FRY: variants seen among roughly 807,000 people sequenced by gnomAD.
The protein encoded by FRY is protein furry homolog.
FRY carries 128 observed loss-of-function variants against 348.4 expected under a neutral mutation model. That is an observed-to-expected ratio of 0.37 (90% CI 0.32 to 0.43). FRY has a LOEUF of 0.43. FRY is among the 20% of genes least tolerant of loss of function. The probability of loss-of-function intolerance (pLI) is 1.00; values close to 1 mark genes in which losing one functional copy is unlikely to be tolerated. For missense variants in FRY, 2,736 were observed against 3,695.2 expected (o/e 0.74, Z 6.73); for synonymous variants, 1,370 against 1,374.7 (o/e 1.00, Z 0.08).
chr13:32,124,489 T>A, intron 5 of FRY, 113 bp downstream of exon 5: 1 of 863,294 alleles, frequency 1.2e-6, no homozygotes, highest in Non-Finnish European at 1.9e-6. Flanking sequence ...TACTGGGTTA[T>A]ATGACTTATG....
At chr13:32,250,192 CTG>C (rs1566168507) in intron 49 of FRY, among the ~76,000 whole-genome samples, 1 of 152,244 alleles carries the variant, frequency 6.6e-6, no homozygotes, top group Non-Finnish European at 1.5e-5. Flanking sequence ...GCCAGATTCT[CTG>C]TAGTTCTGTC....
chr13:32,289,810 C>G (rs1169519740), intron 59 of FRY, 67 bp downstream of exon 59: 2 of 842,558 alleles, frequency 2.4e-6, no homozygotes, highest in Admixed American at 1.8e-5. Context: ...CTTCCTCACT[C>G]CACCCCTTTT....
rs939272579 is a variant in FRY, at chr13:32,149,901, G to T, written c.1479+67G>T. On this transcript the variant is annotated intron_variant, in intron 14 of 60. Coordinates refer to ENST00000542859, the MANE Select transcript of FRY (RefSeq NM_023037.3). ...TCCGGAGCCATACCTTTGCTTTGCGGCTTTGGAGAATGGGATGAGGGATGT... is the reference window on the plus strand; with the variant it reads ...TCCGGAGCCATACCTTTGCTTTGCGTCTTTGGAGAATGGGATGAGGGATGT... 2.2e-5 allele frequency: 21 copies of T among 976,586 alleles called. No homozygotes were observed. The Admixed American group carries it at 2.9e-4, about 14-fold the overall frequency. The allele number at this position is 976,586 out of a possible 1,614,324, so 60.5% of individuals were successfully genotyped here.
At chr13:32,286,475 C>T (rs12560809) in intron 58 of FRY, among the ~76,000 whole-genome samples, 22 of 151,948 alleles carry the variant, frequency 1.4e-4, no homozygotes, top group South Asian at 1.0e-3. Flanking sequence ...TGGCTGGGCG[C>T]GGTGGCTCAG....
chr13:32,267,448 T>C (rs1439724608), intron 55 of FRY, 89 bp downstream of exon 55: 1 of 1,148,074 alleles, frequency 8.7e-7, no homozygotes. Flanking sequence ...TCTTCTGTTC[T>C]GGGGTTATAC....
chr13:32,087,109 C>T (rs550659157), intron 2 of FRY, among the ~76,000 whole-genome samples: 1 of 152,190 alleles, frequency 6.6e-6, no homozygotes. Flanking sequence ...CTCAAAGTAA[C>T]ACAAACTATT....
intron 15 of FRY, 43 bp from the exon 16 acceptor site, chr13:32,157,230 G>T: frequency 6.4e-7 from 1 of 1,568,734 alleles, no homozygotes; most frequent in South Asian, 1.1e-5. Flanking sequence ...GATATCCTTT[G>T]ATAGATTCAG....
chr13:32,134,093 A>T (rs1359691855), intron 8 of FRY, among the ~76,000 whole-genome samples: 2 of 152,126 alleles, frequency 1.3e-5, no homozygotes, highest in East Asian at 3.9e-4. Context: ...TGGACTCTTG[A>T]ATGAAAACAA....
chr13:32,265,628 C>T lies in FRY; in HGVS notation c.7946+12C>T. The T allele has an allele frequency of 1.2e-6, 2 of 1,612,712 alleles. No homozygotes were observed. Among genetic ancestry groups the T allele is most frequent in the Non-Finnish European group, 1.7e-6 (2 of 1,179,196 alleles). On this transcript the variant is annotated intron_variant, in intron 54 of 60. Transcript: ENST00000542859. The stretch of plus-strand genomic sequence containing the variant: ...TTTACCCTGGCGAGGTAATGGAGCC[C>T]TTGGCTGATGTGAGTGGTGTGAATG...
chr13:32,207,267 G>T (rs1884409329), intron 31 of FRY, among the ~76,000 whole-genome samples: 1 of 152,010 alleles, frequency 6.6e-6, no homozygotes, highest in African/African-American at 2.4e-5. Context: ...CCATCTTAAA[G>T]TCCAGATCCT....
chr13:32,136,154 C>T (rs1023024614), intron 10 of FRY, among the ~76,000 whole-genome samples: 3 of 152,068 alleles, frequency 2.0e-5, no homozygotes, highest in Non-Finnish European at 4.4e-5. Context: ...AAGAGGGAAT[C>T]ATAAAGGTCT....
chr13:32,047,459 C>T (rs1411431525), intron 1 of FRY, among the ~76,000 whole-genome samples: 2 of 152,176 alleles, frequency 1.3e-5, no homozygotes, highest in Non-Finnish European at 2.9e-5. Context: ...AGAATGTGTT[C>T]CTTCTAAATT....
chr13:32,175,840 T>C (rs1882326172), intron 20 of FRY, among the ~76,000 whole-genome samples: 1 of 152,200 alleles, frequency 6.6e-6, no homozygotes, highest in Non-Finnish European at 1.5e-5. Flanking sequence ...ATCTTAGGAA[T>C]ATAGATAATA....
At chr13:32,274,750 A>G in intron 55 of FRY, 92 bp from the exon 56 acceptor site, 1 of 810,306 alleles carries the variant, frequency 1.2e-6, no homozygotes, top group South Asian at 1.5e-5. Context: ...TAATTGGAAT[A>G]TAAAAAAAGA....
At position 32,201,990 on chromosome 13, in the gene FRY, G is replaced by A. The variant is rs1332507272; in HGVS notation, c.3796G>A (p.Ala1266Thr). ...ATTGTTAAACCTTGTTCTATTCAAG[G>A]CCTCTGACACCAACAGAGAGATTTA... The part of the protein sequence containing the change: ...VTLLNLVLFK[A>T]SDTNREIYEI... Residue 1266 changes from alanine to threonine, a missense_variant, in exon 30 of 61, where the codon GCC (alanine) becomes ACC (threonine). Physicochemically the swap from Ala to Thr is moderately conservative, Grantham distance 58. This residue lies in a region of FRY where 794 missense variants were observed against 977.0 expected (regional missense o/e 0.81). Transcript: ENST00000542859. 6.2e-7 allele frequency: 1 copy of A among 1,607,944 alleles called. No individual in the cohort carries two copies. The highest frequency in any genetic ancestry group is 8.5e-7 in the Non-Finnish European group (1 of 1,174,568).
chr13:32,065,765 A>G (rs1192002575), intron 1 of FRY, among the ~76,000 whole-genome samples: 1 of 151,802 alleles, frequency 6.6e-6, no homozygotes, highest in Non-Finnish European at 1.5e-5. Context: ...ATGCTCAGCT[A>G]ACCTTTAAAT....
intron 10 of FRY, 56 bp downstream of exon 10, chr13:32,135,239 C>T: frequency 9.4e-7 from 1 of 1,064,338 alleles, no homozygotes; most frequent in Non-Finnish European, 1.5e-6. Context: ...ACTAAAATTC[C>T]TAGACAGGAA....
intron 17 of FRY, among the ~76,000 whole-genome samples, chr13:32,169,012 C>G (rs574908059): frequency 1.3e-5 from 2 of 152,328 alleles, no homozygotes; most frequent in Admixed American, 1.3e-4. Flanking sequence ...CTTAACCACT[C>G]TGGGCGACAA....
At chr13:32,162,749 C>T (rs555891490) in intron 17 of FRY, among the ~76,000 whole-genome samples, 2 of 152,188 alleles carry the variant, frequency 1.3e-5, no homozygotes, top group African/African-American at 4.8e-5. Flanking sequence ...CCTGTAGTCT[C>T]TTTCTGCTGT....
Sources: gnomAD v4.1 joint callset for allele counts (sites outside exome capture counted in the v4.1 genomes callset) on GRCh38, gnomAD v4.1.1 for gene constraint, gnomAD v4.1.1 regional missense constraint, MANE v1.5 for transcripts, NCBI Gene and HGNC (gene_info 2026-07-23, HGNC 2026-07-21) for gene names.